The following SCHIP1 variants were observed in gnomAD, a reference collection of about 807,000 sequenced individuals.
SCHIP1 encodes schwannomin-interacting protein 1.
Under a neutral mutation model 29.7 loss-of-function variants are expected in SCHIP1, and 8 were observed. The observed-to-expected ratio is 0.27, with a 90% CI of 0.16 to 0.49. SCHIP1 has a LOEUF of 0.49. SCHIP1 is among the 20% of genes least tolerant of loss of function. SCHIP1 has a pLI of 0.99. For missense variants in SCHIP1, 193 were observed against 294.6 expected, an observed-to-expected ratio of 0.66 and a Z score of 2.52; for synonymous variants, 76 against 94.9, an observed-to-expected ratio of 0.80 and a Z score of 1.16.
chr3:159,744,425 G>C, the SCHIP1 span, among the ~76,000 whole-genome samples: 27 of 152,128 alleles, frequency 1.8e-4, no homozygotes, highest in African/African-American at 5.6e-4. Context: ...CTCTCTCTCT[G>C]TCTGCCTTCA....
chr3:159,537,987 C>T, the SCHIP1 span, among the ~76,000 whole-genome samples: 2 of 152,148 alleles, frequency 1.3e-5, no homozygotes, highest in African/African-American at 4.8e-5. Context: ...AGTTAAACAT[C>T]ATCATTTTTT....
the SCHIP1 span, among the ~76,000 whole-genome samples, chr3:159,295,271 A>AG: frequency 1.4e-5 from 2 of 140,766 alleles, no homozygotes; most frequent in African/African-American, 5.0e-5. Flanking sequence ...AAAAAAAAAA[A>AG]AAAAACAACT....
At chr3:159,463,619 A>G in the SCHIP1 span, among the ~76,000 whole-genome samples, 2 of 152,228 alleles carry the variant, frequency 1.3e-5, no homozygotes, top group Admixed American at 1.3e-4. Flanking sequence ...TTTTCCAAAA[A>G]TACAAGCTAA....
the SCHIP1 span, among the ~76,000 whole-genome samples, chr3:159,537,394 C>T: frequency 2.0e-5 from 3 of 152,180 alleles, no homozygotes; most frequent in East Asian, 1.9e-4. Flanking sequence ...CTCGCCCTCT[C>T]GACTTCCCTT....
the SCHIP1 span, among the ~76,000 whole-genome samples, chr3:159,426,227 C>A: frequency 8.6e-5 from 13 of 150,654 alleles, no homozygotes; most frequent in Non-Finnish European, 1.3e-4. Flanking sequence ...ACACAAAAAA[C>A]CCTTAATGAA....
the SCHIP1 span, among the ~76,000 whole-genome samples, chr3:159,359,641 G>A: frequency 6.6e-6 from 1 of 152,160 alleles, no homozygotes; most frequent in East Asian, 1.9e-4. Flanking sequence ...TGTATGAACT[G>A]GGAATTAGAG....
At chr3:159,746,961 A>T in the SCHIP1 span, among the ~76,000 whole-genome samples, 1 of 152,170 alleles carries the variant, frequency 6.6e-6, no homozygotes, top group Non-Finnish European at 1.5e-5. Flanking sequence ...CCTCTCCAAT[A>T]CCTTTTCCAT....
the SCHIP1 span, among the ~76,000 whole-genome samples, chr3:159,556,684 C>T: frequency 1.7e-3 from 249 of 147,062 alleles, 2 homozygotes; most frequent in South Asian, 7.7e-3. Flanking sequence ...AACCAAACAC[C>T]GCTTGTTCTC....
the SCHIP1 span, among the ~76,000 whole-genome samples, chr3:159,818,932 A>C: frequency 1.4e-4 from 22 of 152,364 alleles, 1 homozygote; most frequent in Non-Finnish European, 2.2e-4. Flanking sequence ...AGTTTACTAC[A>C]GTTTAAAAAA....
the SCHIP1 span, among the ~76,000 whole-genome samples, chr3:159,718,959 A>G: frequency 1.3e-5 from 2 of 152,226 alleles, no homozygotes; most frequent in East Asian, 3.8e-4. Flanking sequence ...GGCTGGAGGC[A>G]TCACGCTACC....
chr3:159,755,128 G>A, the SCHIP1 span, among the ~76,000 whole-genome samples: 396 of 152,178 alleles, frequency 2.6e-3, 1 homozygote, highest in African/African-American at 8.9e-3. Flanking sequence ...CCAGCTACTC[G>A]GGAGGCTGAG....
At chr3:159,291,585 A>G in the SCHIP1 span, among the ~76,000 whole-genome samples, 1 of 152,164 alleles carries the variant, frequency 6.6e-6, no homozygotes, top group African/African-American at 2.4e-5. Flanking sequence ...AAATTATACC[A>G]AGGATGCATC....
the SCHIP1 span, among the ~76,000 whole-genome samples, chr3:159,349,123 G>C: frequency 3.1e-3 from 471 of 152,196 alleles, 3 homozygotes; most frequent in African/African-American, 0.011. Context: ...ATCTTTTTTA[G>C]TGCAAAGATA....
At chr3:159,397,569 A>C in the SCHIP1 span, among the ~76,000 whole-genome samples, 2 of 152,120 alleles carry the variant, frequency 1.3e-5, no homozygotes, top group Non-Finnish European at 2.9e-5. Context: ...GGTCTGTTGG[A>C]GTACCCTGCT....
At chr3:159,554,104 T>G in the SCHIP1 span, among the ~76,000 whole-genome samples, 1 of 151,544 alleles carries the variant, frequency 6.6e-6, no homozygotes, top group East Asian at 2.0e-4. Flanking sequence ...ACTCCTGACC[T>G]CGTGATCCGC....
the SCHIP1 span, among the ~76,000 whole-genome samples, chr3:159,411,438 T>G: frequency 6.6e-6 from 1 of 152,020 alleles, no homozygotes; most frequent in South Asian, 2.1e-4. Flanking sequence ...ATGTTAAAAA[T>G]TAAAAATTAA....
the SCHIP1 span, among the ~76,000 whole-genome samples, chr3:159,724,047 A>C: frequency 6.6e-6 from 1 of 152,158 alleles, no homozygotes; most frequent in Non-Finnish European, 1.5e-5. Context: ...CCTAATCACC[A>C]CTAGAAGTTC....
chr3:159,378,463 T>C, the SCHIP1 span, among the ~76,000 whole-genome samples: 1 of 152,240 alleles, frequency 6.6e-6, no homozygotes, highest in Non-Finnish European at 1.5e-5. Flanking sequence ...TTGTTTTAAC[T>C]TTCAGAATAT....
chr3:159,317,847 C>T, the SCHIP1 span, among the ~76,000 whole-genome samples: 1 of 152,274 alleles, frequency 6.6e-6, no homozygotes, highest in Admixed American at 6.5e-5. Context: ...TAGGCAATCC[C>T]ATATCTGGAG....
Sources: allele counts gnomAD v4.1 joint callset (sites outside exome capture counted in the v4.1 genomes callset), GRCh38; gene constraint gnomAD v4.1.1; transcripts MANE v1.5; gene names NCBI Gene and HGNC (gene_info 2026-07-23, HGNC 2026-07-21).